ZC2HC1B: variants seen among roughly 807,000 people sequenced by gnomAD.
ZC2HC1B encodes zinc finger C2HC-type containing 1B.
In ZC2HC1B, 36 loss-of-function variants were observed where a neutral mutation model predicts 31.0. The observed-to-expected ratio is 1.16, with a 90% CI of 0.89 to 1.54. The LOEUF (loss-of-function observed/expected upper bound fraction) is 1.54. Ranked by LOEUF, ZC2HC1B falls within the 40% of genes most tolerant of loss-of-function variation. The pLI is 0.00. For missense variants in ZC2HC1B, 260 were observed against 268.6 expected (o/e 0.97, Z 0.22); for synonymous variants, 73 against 88.0 (o/e 0.83, Z 0.95).
At position 143,868,911 on chromosome 6, in the gene ZC2HC1B, T is replaced by C. The variant is rs1399749661; in HGVS notation, c.28+4344T>C. On this transcript the variant is annotated intron_variant, in intron 1 of 7. Coordinates refer to ENST00000237275, the MANE Select transcript of ZC2HC1B (RefSeq NM_001013623.3). The surrounding 1 kb of genome is among the most constrained non-coding windows in gnomAD (Gnocchi z 4.2). ...AAGGAAAAAGTAAATAAAATGAAGA[T>C]ATCTTCTTAGTACACGTGTGTACAT... Among the ~76,000 whole-genome samples the C allele has an allele frequency of 3.3e-5, 5 of 152,204 alleles. No homozygotes were observed. The highest frequency in any genetic ancestry group is 2.4e-5 in the African/African-American group (1 of 41,450).
In ZC2HC1B at chr6:143,911,552, T is replaced by G. The variant is rs1392711769; in HGVS notation, c.598+8400T>G. On this transcript the variant is annotated intron_variant, in intron 6 of 7. Transcript: ENST00000237275. The surrounding 1 kb of genome is among the most constrained non-coding windows in gnomAD (Gnocchi z 4.5). ...AGCTTAGTTTGACTGGATATGAAAT[T>G]CTGGGTTGGAAATTCTTTTCTTTAA... is the stretch of plus-strand genomic sequence containing the variant. 6.6e-6 allele frequency among the ~76,000 whole-genome samples: 1 copy of G among 152,230 alleles called. No homozygotes were observed. The highest frequency in any genetic ancestry group is 2.4e-5 in the African/African-American group (1 of 41,454).
intron 1 of ZC2HC1B, among the ~76,000 whole-genome samples, chr6:143,873,065 G>C (rs1006813665): frequency 6.6e-6 from 1 of 152,192 alleles, no homozygotes; most frequent in African/African-American, 2.4e-5. Flanking sequence ...CCTATGAACT[G>C]TAAAATCAAA....
At chr6:143,930,599 G>A (rs1436840788) in intron 6 of ZC2HC1B, among the ~76,000 whole-genome samples, 1 of 151,790 alleles carries the variant, frequency 6.6e-6, no homozygotes, top group East Asian at 1.9e-4. Flanking sequence ...CCGTGGTCTC[G>A]ATCTCCTGAC....
At chr6:143,936,506 G>T (rs1231540625) in intron 6 of ZC2HC1B, among the ~76,000 whole-genome samples, 1 of 152,202 alleles carries the variant, frequency 6.6e-6, no homozygotes, top group Non-Finnish European at 1.5e-5. Flanking sequence ...ATTCCTAAAA[G>T]ATTCTAATGT....
chr6:143,891,345 T>C (rs921717467), intron 4 of ZC2HC1B, among the ~76,000 whole-genome samples: 1 of 152,062 alleles, frequency 6.6e-6, no homozygotes, highest in Non-Finnish European at 1.5e-5. Context: ...TCTACCCAAA[T>C]TAACCTATGG....
chr6:143,870,428 A>C lies in ZC2HC1B; in HGVS notation c.28+5861A>C, dbSNP rs1164380169. ...AGGCCATTGGTGCAGGCTAGGGGAG[A>C]GAAGGCAAGGTGGCAGGAGTCTCCA... On this transcript the variant is annotated intron_variant, in intron 1 of 7. Coordinates refer to ENST00000237275, the MANE Select transcript of ZC2HC1B (RefSeq NM_001013623.3). The surrounding 1 kb of genome is among the most constrained non-coding windows in gnomAD (Gnocchi z 4.7). Among the ~76,000 whole-genome samples, 5 of 152,134 alleles carry C rather than the reference A, an allele frequency of 3.3e-5. No individual in the cohort carries two copies. Among genetic ancestry groups the C allele is most frequent in the Non-Finnish European group, 5.9e-5 (4 of 68,028 alleles).
rs1275850322 is a variant in ZC2HC1B, at chr6:143,883,722, G to A, written c.29-582G>A. On this transcript the variant is annotated intron_variant, in intron 1 of 7. Transcript: ENST00000237275. This position sits in a 1 kb window ranked among gnomAD's most constrained non-coding sequence, Gnocchi z 4.1. ...ATTTATCTGCATACTTTTTTTCTGTGCTGGTCCCATGTATGATTTCTCCCA... is the reference window on the plus strand; with the variant it reads ...ATTTATCTGCATACTTTTTTTCTGTACTGGTCCCATGTATGATTTCTCCCA... Among the ~76,000 whole-genome samples the A allele has an allele frequency of 6.6e-6, 1 of 151,856 alleles. No individual in the cohort carries two copies. Among genetic ancestry groups the A allele is most frequent in the Admixed American group, 6.6e-5 (1 of 15,250 alleles).
intron 6 of ZC2HC1B, among the ~76,000 whole-genome samples, chr6:143,935,815 C>T (rs562310102): frequency 1.1e-4 from 17 of 151,758 alleles, no homozygotes; most frequent in Non-Finnish European, 2.5e-4. Context: ...CCACCATACC[C>T]AGATAATTTT....
At chr6:143,866,673 T>C (rs1005127653) in intron 1 of ZC2HC1B, among the ~76,000 whole-genome samples, 4 of 152,240 alleles carry the variant, frequency 2.6e-5, no homozygotes, top group East Asian at 1.9e-4. Context: ...CTTGTAACTT[T>C]ACTGTTACAT....
chr6:143,881,133 A>G (rs2103789), intron 1 of ZC2HC1B, among the ~76,000 whole-genome samples: 14,455 of 152,154 alleles, frequency 0.095, 1,028 homozygotes, highest in African/African-American at 0.2. Context: ...TCTGTGTCCT[A>G]TCTCTCTAAT....
At chr6:143,926,828 C>CTTTTTTT (rs774028763) in intron 6 of ZC2HC1B, among the ~76,000 whole-genome samples, 5 of 78,834 alleles carry the variant, frequency 6.3e-5, no homozygotes, top group African/African-American at 1.1e-4. Flanking sequence ...ATTGTATCTT[C>CTTTTTTT]TTTTTTTTTT....
intron 6 of ZC2HC1B, among the ~76,000 whole-genome samples, chr6:143,928,169 G>A (rs1356616181): frequency 6.6e-6 from 1 of 152,096 alleles, no homozygotes; most frequent in African/African-American, 2.4e-5. Flanking sequence ...CATTAGCTTT[G>A]AAATCTTAGT....
In ZC2HC1B at chr6:143,871,051, A is replaced by G. The variant is rs1777330216; in HGVS notation, c.28+6484A>G. Reference sequence around the variant, plus strand: ...ATTGTGCCTCTTTCTTGGTGGTAGGAGGGGCCAAATGCAGCAACTTATCCT... The same window carrying G: ...ATTGTGCCTCTTTCTTGGTGGTAGGGGGGGCCAAATGCAGCAACTTATCCT... On this transcript the variant is annotated intron_variant, in intron 1 of 7. Transcript: ENST00000237275. This position sits in a 1 kb window ranked among gnomAD's most constrained non-coding sequence, Gnocchi z 4.1. Among the ~76,000 whole-genome samples the G allele has an allele frequency of 6.6e-6, 1 of 152,114 alleles. No homozygotes were observed. Among genetic ancestry groups the G allele is most frequent in the Admixed American group, 6.5e-5 (1 of 15,268 alleles).
At chr6:143,906,067 A>G (rs903433119) in intron 6 of ZC2HC1B, among the ~76,000 whole-genome samples, 2 of 152,300 alleles carry the variant, frequency 1.3e-5, no homozygotes, top group Middle Eastern at 3.4e-3. Context: ...GAATGTTCCT[A>G]CTTCTTCAAC....
At chr6:143,919,217 CTGTGTG>C (rs71024878) in intron 6 of ZC2HC1B, among the ~76,000 whole-genome samples, 5,087 of 123,576 alleles carry the variant, frequency 0.041, 93 homozygotes, top group Non-Finnish European at 0.05. Flanking sequence ...TTGCTATTCT[CTGTGTG>C]TGTGTGTGTG....
intron 6 of ZC2HC1B, among the ~76,000 whole-genome samples, chr6:143,927,330 T>C (rs1778064904): frequency 6.6e-6 from 1 of 152,302 alleles, no homozygotes; most frequent in Admixed American, 6.5e-5. Flanking sequence ...AAGTCTCTAA[T>C]ACCTGTTATT....
intron 1 of ZC2HC1B, among the ~76,000 whole-genome samples, chr6:143,879,824 A>ATTTTTTTTTTTT (rs557859315): frequency 7.5e-5 from 4 of 53,680 alleles, no homozygotes; most frequent in Non-Finnish European, 1.3e-4. Flanking sequence ...GTTGTCCCTG[A>ATTTTTTTTTTTT]TTTTTTTTTT....
At chr6:143,877,299 TGAGAC>T (rs1386794592) in intron 1 of ZC2HC1B, among the ~76,000 whole-genome samples, 6 of 124,114 alleles carry the variant, frequency 4.8e-5, no homozygotes, top group Non-Finnish European at 1.0e-4. Context: ...TTTTTTTTTT[TGAGAC>T]AGAGTTTTGC....
Position 143,933,607 on chromosome 6 carries a change from C to T in ZC2HC1B, c.599-4042C>T, listed in dbSNP as rs924137324. Among the ~76,000 whole-genome samples, 9 of 152,126 alleles carry T rather than the reference C, an allele frequency of 5.9e-5. No homozygotes were observed. The highest frequency in any genetic ancestry group is 1.9e-4 in the East Asian group (1 of 5,162). ...CTGCCTCTGTCACCAGGGAAGTGGG[C>T]GAAAGCTGGTAGCAACAGGCCTCAC... On this transcript the variant is annotated intron_variant, in intron 6 of 7. Transcript: ENST00000237275. The surrounding 1 kb of genome is among the most constrained non-coding windows in gnomAD (Gnocchi z 6.4).
Sources: gnomAD v4.1 joint callset for allele counts (sites outside exome capture counted in the v4.1 genomes callset) on GRCh38, gnomAD v4.1.1 for gene constraint, Gnocchi (gnomAD v3.1) non-coding constraint, MANE v1.5 for transcripts, NCBI Gene and HGNC (gene_info 2026-07-23, HGNC 2026-07-21) for gene names.